Variants in HECW2 observed in about 807,000 individuals in gnomAD.
HECW2 encodes the protein E3 ubiquitin-protein ligase HECW2.
HECW2 carries 61 observed loss-of-function variants against 175.2 expected under a neutral mutation model. That is an observed-to-expected ratio of 0.35 (90% CI 0.28 to 0.43). The LOEUF (loss-of-function observed/expected upper bound fraction) is 0.43, where lower values mean the gene tolerates loss of function less well. Ranked by LOEUF, HECW2 falls within the 20% of genes least tolerant of loss-of-function variation. The pLI is 1.00. For synonymous variants in HECW2, 671 were observed against 731.0 expected (o/e 0.92, Z 1.32); for missense variants, 1,524 against 2,000.5 (o/e 0.76, Z 4.54).
chr2:196,490,709 T>C (rs1687156059), intron 1 of HECW2, among the ~76,000 whole-genome samples: 1 of 152,104 alleles, frequency 6.6e-6, no homozygotes, highest in Admixed American at 6.6e-5. Context: ...AACCCAAATG[T>C]CCATGAACTG....
At chr2:196,361,867 G>A in intron 2 of HECW2, 4 of 985,270 alleles carry the variant, frequency 4.1e-6, no homozygotes, top group Non-Finnish European at 4.8e-6. Flanking sequence ...TTAGGCAGCA[G>A]CAAGAAGAAA....
intron 2 of HECW2, among the ~76,000 whole-genome samples, chr2:196,419,287 C>A (rs1256472550): frequency 6.6e-6 from 1 of 152,104 alleles, no homozygotes; most frequent in Non-Finnish European, 1.5e-5. Context: ...TTTCTGAATC[C>A]TCACTTAAAA....
chr2:196,304,246 C>T (rs1691178532), intron 13 of HECW2, among the ~76,000 whole-genome samples: 1 of 152,194 alleles, frequency 6.6e-6, no homozygotes, highest in African/African-American at 2.4e-5. Context: ...TGTTCTCAGA[C>T]ATTTACCTTA....
chr2:196,491,736 T>C (rs1687204839), intron 1 of HECW2, among the ~76,000 whole-genome samples: 1 of 152,026 alleles, frequency 6.6e-6, no homozygotes, highest in African/African-American at 2.4e-5. Context: ...TTCAAGATGT[T>C]GTCAGATAGT....
intron 10 of HECW2, among the ~76,000 whole-genome samples, chr2:196,315,213 A>C (rs1023453414): frequency 1.3e-5 from 2 of 151,250 alleles, no homozygotes; most frequent in Admixed American, 6.6e-5. Context: ...TTTTAGAGGG[A>C]GGCATCTTCA....
intron 19 of HECW2, 129 bp from the exon 20 acceptor site, chr2:196,242,333 TG>T (rs1688487712): frequency 8.3e-7 from 1 of 1,209,870 alleles, no homozygotes; most frequent in African/African-American, 1.5e-5. Flanking sequence ...TCTGCATTTT[TG>T]ATTTCTGCAA....
intron 14 of HECW2, among the ~76,000 whole-genome samples, chr2:196,280,305 A>G (rs1275017662): frequency 6.6e-6 from 1 of 152,216 alleles, no homozygotes; most frequent in Non-Finnish European, 1.5e-5. Context: ...ACACCTAGAG[A>G]TGAAGGTATC....
intron 2 of HECW2, among the ~76,000 whole-genome samples, chr2:196,420,995 T>C (rs1274539753): frequency 6.6e-6 from 1 of 152,124 alleles, no homozygotes; most frequent in East Asian, 1.9e-4. Context: ...CACTGAAAGA[T>C]CCCAATTCAT....
intron 5 of HECW2, among the ~76,000 whole-genome samples, chr2:196,326,500 G>A (rs1198661271): frequency 2.7e-5 from 4 of 150,534 alleles, no homozygotes; most frequent in Non-Finnish European, 4.4e-5. Flanking sequence ...CTGGAGTGCT[G>A]TGGTGTGATC....
At chr2:196,288,016 A>G (rs1380926298) in intron 14 of HECW2, 1 of 141,368 alleles carries the variant, frequency 7.1e-6, no homozygotes, top group East Asian at 2.0e-4. Context: ...TTTTTTTATT[A>G]TACTTTAAGT....
intron 2 of HECW2, among the ~76,000 whole-genome samples, chr2:196,349,205 T>C (rs13420811): frequency 0.27 from 40,503 of 152,178 alleles, 7,113 homozygotes; most frequent in African/African-American, 0.5. Context: ...GTTCTTTGAC[T>C]ATTACCTTCC....
chr2:196,299,319 C>T (rs984080870), intron 13 of HECW2, among the ~76,000 whole-genome samples: 16 of 94,864 alleles, frequency 1.7e-4, no homozygotes, highest in Non-Finnish European at 1.1e-4. Flanking sequence ...AACACGAAAA[C>T]AAAATAAGTT....
At chr2:196,431,367 A>T (rs1695707890) in intron 2 of HECW2, among the ~76,000 whole-genome samples, 1 of 152,228 alleles carries the variant, frequency 6.6e-6, no homozygotes, top group Non-Finnish European at 1.5e-5. Flanking sequence ...AAGTGTGTGT[A>T]TGGGAATCAA....
In HECW2 at chr2:196,528,815, T is replaced by C. The variant is rs555868233; in HGVS notation, c.-36+64693A>G. 9.2e-5 allele frequency among the ~76,000 whole-genome samples: 14 copies of C among 152,338 alleles called. 1 individual carries two copies. Among genetic ancestry groups the C allele is most frequent in the Admixed American group, 8.5e-4 (13 of 15,296 alleles). On this transcript the variant is annotated intron_variant, in intron 1 of 28. Coordinates refer to ENST00000644978, the MANE Select transcript of HECW2 (RefSeq NM_001348768.2). ...TCTGCAGAACTCCAAATTTACTGTT[T>C]AAATGTTTCATTCAAAGACTTGGGT...
At chr2:196,442,310 A>C (rs1246484901) in intron 1 of HECW2, among the ~76,000 whole-genome samples, 1 of 152,196 alleles carries the variant, frequency 6.6e-6, no homozygotes, top group African/African-American at 2.4e-5. Flanking sequence ...TGTCCACTAA[A>C]ACATCAACAT....
chr2:196,579,713 T>C (rs890460811), intron 1 of HECW2, among the ~76,000 whole-genome samples: 3 of 152,140 alleles, frequency 2.0e-5, no homozygotes, highest in Non-Finnish European at 4.4e-5. Flanking sequence ...ATGAGGCCAT[T>C]AGTATAGACC....
At chr2:196,526,717 G>A (rs1181495482) in intron 1 of HECW2, among the ~76,000 whole-genome samples, 1 of 151,386 alleles carries the variant, frequency 6.6e-6, no homozygotes, top group Non-Finnish European at 1.5e-5. Flanking sequence ...TCAGCTGCAG[G>A]TCTGTTGGAA....
At chr2:196,386,687 T>C (rs1694361221) in intron 2 of HECW2, among the ~76,000 whole-genome samples, 2 of 152,216 alleles carry the variant, frequency 1.3e-5, no homozygotes, top group Admixed American at 6.5e-5. Context: ...TCCTAGGCAA[T>C]GATTTTTGAA....
chr2:196,238,611 C>G (rs1329040279), intron 21 of HECW2: 1 of 152,088 alleles, frequency 6.6e-6, no homozygotes, highest in Non-Finnish European at 1.5e-5. Context: ...TCCAGAAATC[C>G]AGCTTCAATA....
Sources: gnomAD v4.1 joint callset for allele counts (sites outside exome capture counted in the v4.1 genomes callset) on GRCh38, gnomAD v4.1.1 for gene constraint, MANE v1.5 for transcripts, NCBI Gene and HGNC (gene_info 2026-07-23, HGNC 2026-07-21) for gene names.